Variants in INSR observed in about 807,000 individuals in gnomAD.
The protein encoded by INSR is IR.
INSR carries 67 observed loss-of-function variants against 142.6 expected under a neutral mutation model. The ratio of observed to expected loss-of-function variants is 0.47; its 90% confidence interval spans 0.39 to 0.58. The LOEUF (loss-of-function observed/expected upper bound fraction) is 0.58. Ranked by LOEUF, INSR falls within the 20% of genes least tolerant of loss-of-function variation. The pLI is 0.00. For missense variants in INSR, 1,248 were observed against 1,833.2 expected (o/e 0.68, Z 5.83); for synonymous variants, 756 against 743.1 (o/e 1.02, Z -0.28).
chr19:7,124,571 AAAAAAAAAAAAAAAAAAATATAT>A (rs1972586531), intron 17 of INSR, among the ~76,000 whole-genome samples: 1 of 23,774 alleles, frequency 4.2e-5, no homozygotes, highest in Non-Finnish European at 7.6e-5. Context: ...AAAAAAAAAA[AAAAAAAAAAAAAAAAAAATATAT>A]ATATATATAT....
At chr19:7,277,520 C>T (rs769580972) in intron 1 of INSR, among the ~76,000 whole-genome samples, 8 of 152,046 alleles carry the variant, frequency 5.3e-5, no homozygotes, top group African/African-American at 9.7e-5. Context: ...AGATGTTGGC[C>T]GGGTGCAGTG....
Position 7,207,909 on chromosome 19 carries a change from G to GAAGGAAGGAAGGA in INSR, c.653-23285_653-23273dup. ...TTGAGAAGGAAGGAAGGAAAGGAAG[G>GAAGGAAGGAAGGA]AAGGAAGGAAGGAAGGAAGGAAGGA... On this transcript the variant is annotated intron_variant, in intron 2 of 21. Transcript: ENST00000302850. Among the ~76,000 whole-genome samples, 3 of 111,282 alleles carry GAAGGAAGGAAGGA rather than the reference G, an allele frequency of 2.7e-5. 1 individual carries two copies. In the Admixed American group the frequency reaches 2.8e-4, roughly 10 times the overall value. The allele number at this position is 111,282 out of a possible 152,430, so 73.0% of individuals were successfully genotyped here. A position where few individuals can be genotyped will look rare whatever the true frequency, so the allele number is the denominator to read the frequency against.
chr19:7,180,422 C>T (rs1174271416), intron 3 of INSR, among the ~76,000 whole-genome samples: 1 of 150,098 alleles, frequency 6.7e-6, no homozygotes, highest in African/African-American at 2.5e-5. Context: ...CCCAGCTACT[C>T]AGGAGGCTGT....
chr19:7,220,442 C>A (rs1455298552), intron 2 of INSR, among the ~76,000 whole-genome samples: 1 of 152,194 alleles, frequency 6.6e-6, no homozygotes, highest in Non-Finnish European at 1.5e-5. Flanking sequence ...AGGCGCGCCA[C>A]CACGCCTGGC....
At chr19:7,188,852 C>T (rs1265406298) in intron 2 of INSR, among the ~76,000 whole-genome samples, 1 of 112,906 alleles carries the variant, frequency 8.9e-6, no homozygotes, top group African/African-American at 3.6e-5. Flanking sequence ...GCCTAGGTGA[C>T]AGAGCGAGAC....
intron 4 of INSR, among the ~76,000 whole-genome samples, chr19:7,173,584 G>T (rs1351759793): frequency 7.1e-6 from 1 of 141,734 alleles, no homozygotes; most frequent in Non-Finnish European, 1.5e-5. Flanking sequence ...AAAGTGCTGG[G>T]ATTACAGGCA....
intron 3 of INSR, among the ~76,000 whole-genome samples, chr19:7,181,052 T>A (rs1328564013): frequency 1.3e-5 from 2 of 152,100 alleles, no homozygotes; most frequent in African/African-American, 4.8e-5. Flanking sequence ...GCAATTCTGC[T>A]GTCTCAGCCT....
intron 2 of INSR, among the ~76,000 whole-genome samples, chr19:7,261,859 G>A (rs575718887): frequency 1.8e-4 from 27 of 152,094 alleles, no homozygotes; most frequent in African/African-American, 6.3e-4. Context: ...CCTTTTTTTG[G>A]TCTCCCTGTA....
chr19:7,257,202 C>T (rs1158701438), intron 2 of INSR, among the ~76,000 whole-genome samples: 1 of 152,086 alleles, frequency 6.6e-6, no homozygotes. Flanking sequence ...CCTTGGCTTC[C>T]CAAAGTGCTG....
intron 11 of INSR, among the ~76,000 whole-genome samples, chr19:7,149,873 A>C (rs572142006): frequency 6.6e-6 from 1 of 150,956 alleles, no homozygotes; most frequent in Admixed American, 6.6e-5. Context: ...GGACGGAGGG[A>C]GAGAGGGAGG....
intron 2 of INSR, among the ~76,000 whole-genome samples, chr19:7,256,580 C>T (rs998052032): frequency 1.2e-4 from 19 of 152,096 alleles, no homozygotes; most frequent in African/African-American, 4.6e-4. Flanking sequence ...GCCTGGGTAA[C>T]GTGGTGAAAC....
intron 14 of INSR, among the ~76,000 whole-genome samples, chr19:7,131,605 C>G (rs890503509): frequency 6.6e-5 from 10 of 150,532 alleles, no homozygotes; most frequent in Non-Finnish European, 1.3e-4. Context: ...CTCGGCCTCC[C>G]AAAGTGCTGG....
chr19:7,257,053 C>T (rs1976918134), intron 2 of INSR, among the ~76,000 whole-genome samples: 1 of 151,030 alleles, frequency 6.6e-6, no homozygotes, highest in Admixed American at 6.6e-5. Context: ...AGCGATTCTC[C>T]TGTCTCAGTC....
At chr19:7,248,215 G>A (rs965630113) in intron 2 of INSR, among the ~76,000 whole-genome samples, 1 of 150,842 alleles carries the variant, frequency 6.6e-6, no homozygotes, top group African/African-American at 2.4e-5. Flanking sequence ...GCATGATCTT[G>A]GCTCACTGCA....
chr19:7,174,873 C>T lies in INSR; in HGVS notation c.975-142G>A, dbSNP rs188041788. 9.3e-4 allele frequency: 806 copies of T among 871,154 alleles called. 11 individuals carry two copies. In the South Asian group the frequency reaches 0.011, roughly 12 times the overall value. 54.0% of individuals were successfully genotyped at this position (871,154 alleles called of 1,614,324 possible). ...TGTGTGTGTTTGTGTGACAGAGTCT[C>T]GCTCTGTTGCCCAGGCTGGAGTGCA... is the stretch of plus-strand genomic sequence containing the variant. On this transcript the variant is annotated intron_variant, in intron 3 of 21. Coordinates refer to ENST00000302850, the MANE Select transcript of INSR (RefSeq NM_000208.4).
intron 9 of INSR, among the ~76,000 whole-genome samples, chr19:7,158,285 G>A (rs1021990092): frequency 2.0e-5 from 3 of 151,978 alleles, no homozygotes; most frequent in Non-Finnish European, 2.9e-5. Context: ...CAGATCACGA[G>A]GTCAGGAGAT....
chr19:7,270,877 G>A (rs1023553340), intron 1 of INSR, among the ~76,000 whole-genome samples: 3 of 151,888 alleles, frequency 2.0e-5, no homozygotes, highest in Non-Finnish European at 2.9e-5. Flanking sequence ...TGGTTAACAC[G>A]GTGAAACTCC....
At chr19:7,249,471 G>A (rs1976639223) in intron 2 of INSR, among the ~76,000 whole-genome samples, 1 of 152,118 alleles carries the variant, frequency 6.6e-6, no homozygotes, top group South Asian at 2.1e-4. Context: ...AGGCCCGTCG[G>A]CACCGTTTTA....
At chr19:7,201,216 C>T (rs889892243) in intron 2 of INSR, among the ~76,000 whole-genome samples, 1 of 151,992 alleles carries the variant, frequency 6.6e-6, no homozygotes, top group Non-Finnish European at 1.5e-5. Context: ...TTCTCTGGGG[C>T]AAATTCAGAG....
Sources: allele counts gnomAD v4.1 joint callset (sites outside exome capture counted in the v4.1 genomes callset), GRCh38; gene constraint gnomAD v4.1.1; transcripts MANE v1.5; gene names NCBI Gene and HGNC (gene_info 2026-07-23, HGNC 2026-07-21).